RNF168: variants seen among roughly 807,000 people sequenced by gnomAD.
RNF168 encodes the protein ring finger protein 168, also known as E3 ubiquitin-protein ligase RNF168.
RNF168 carries 34 observed loss-of-function variants against 34.9 expected under a neutral mutation model. The ratio of observed to expected loss-of-function variants is 0.97; its 90% CI spans 0.74 to 1.30. The LOEUF is 1.30. Ranked by LOEUF, RNF168 falls within the 50% of genes most tolerant of loss-of-function variation. RNF168 has a pLI of 0.00. For missense variants in RNF168, 725 were observed against 682.5 expected (o/e 1.06, Z -0.69); for synonymous variants, 264 against 254.7 (o/e 1.04, Z -0.35).
intron 4 of RNF168, among the ~76,000 whole-genome samples, chr3:196,479,362 T>C (rs1732233879): frequency 6.6e-6 from 1 of 151,808 alleles, no homozygotes; most frequent in Non-Finnish European, 1.5e-5. Context: ...TGAAGTGCAG[T>C]AGCACCATCA....
intron 4 of RNF168, among the ~76,000 whole-genome samples, chr3:196,481,960 G>A (rs911121678): frequency 7.7e-6 from 1 of 129,352 alleles, no homozygotes; most frequent in African/African-American, 2.9e-5. Flanking sequence ...CACTGTCCCT[G>A]GCTTTTTTTT....
Position 196,488,624 on chromosome 3 carries a change from C to T in RNF168, c.361G>A (p.Glu121Lys). The T allele has an allele frequency of 1.3e-6, 2 of 1,599,412 alleles. No homozygotes were observed. Among genetic ancestry groups the T allele is most frequent in the Non-Finnish European group, 1.7e-6 (2 of 1,167,284 alleles). The part of the protein sequence containing the change: ...SKPGELRREY[E>K]EEISKVAAER... ...GCACCTACCTTGCTTATTTCCTCTTCATATTCTCTTCTCAGTTCCCCAGGT... is the reference window on the plus strand; with the variant it reads ...GCACCTACCTTGCTTATTTCCTCTTTATATTCTCTTCTCAGTTCCCCAGGT... The change falls in exon 2 of 6, where the codon GAA (glutamate) becomes AAA (lysine). Residue 121 changes from glutamate to lysine, a missense_variant. Physicochemically the swap from Glu to Lys is moderately conservative, Grantham distance 56 (BLOSUM62 1). Coordinates refer to ENST00000318037, the MANE Select transcript of RNF168 (RefSeq NM_152617.4).
chr3:196,487,660 AG>A, intron 2 of RNF168, 82 bp from the exon 3 acceptor site: 1 of 1,331,142 alleles, frequency 7.5e-7, no homozygotes, highest in South Asian at 1.2e-5. Context: ...ATAGAAAAGT[AG>A]AAAAAGAACA....
intron 5 of RNF168, among the ~76,000 whole-genome samples, chr3:196,473,487 ACT>A (rs1255785350): frequency 6.6e-6 from 1 of 152,262 alleles, no homozygotes; most frequent in Non-Finnish European, 1.5e-5. Context: ...TAGTACACCC[ACT>A]CTCTGTTTTG....
Position 196,488,600 on chromosome 3 carries a change from C to T in RNF168, c.378+7G>A. ...TATTCCAAAAAAAAAAACTATTTAG[C>T]ACCTACCTTGCTTATTTCCTCTTCA... On this transcript the variant is annotated splice_region_variant and intron_variant, in intron 2 of 5. Transcript: ENST00000318037. The T allele has an allele frequency of 1.9e-6, 3 of 1,539,032 alleles. No individual in the cohort carries two copies. Among genetic ancestry groups the T allele is most frequent in the Admixed American group, 3.4e-5 (2 of 59,586 alleles).
intron 3 of RNF168, among the ~76,000 whole-genome samples, chr3:196,485,595 C>T (rs1223848712): frequency 1.3e-5 from 2 of 151,836 alleles, no homozygotes; most frequent in East Asian, 1.9e-4. Flanking sequence ...TTTATTATTC[C>T]ATTGGTCAAT....
At chr3:196,500,999 C>A (rs143657161) in intron 1 of RNF168, among the ~76,000 whole-genome samples, 12 of 152,360 alleles carry the variant, frequency 7.9e-5, no homozygotes, top group South Asian at 6.2e-4. Context: ...GCGTGAGCCG[C>A]CGCGCCCGGC....
chr3:196,503,226 C>A lies in RNF168; in HGVS notation c.-53G>T, dbSNP rs1439823437. 2 of 1,531,542 alleles carry A rather than the reference C, an allele frequency of 1.3e-6. No individual in the cohort carries two copies. Among genetic ancestry groups the A allele is most frequent in the East Asian group, 2.3e-5 (1 of 44,444 alleles). The allele number at this position is 1,531,542 out of a possible 1,614,324, so 94.9% of individuals were successfully genotyped here. On this transcript the variant is annotated 5_prime_UTR_variant, in exon 1 of 6. Transcript: ENST00000318037. ...CAACGACACCTGCACGAAAAAGAATCCTATTTTCGGCCAACCACAGAGAGA... is the reference window on the plus strand; with the variant it reads ...CAACGACACCTGCACGAAAAAGAATACTATTTTCGGCCAACCACAGAGAGA...
intron 2 of RNF168, 59 bp from the exon 3 acceptor site, chr3:196,487,637 T>C: frequency 6.8e-7 from 1 of 1,463,240 alleles, no homozygotes; most frequent in South Asian, 1.1e-5. Context: ...ACTTGCAATA[T>C]TTCATAACAA....
chr3:196,472,116 C>T lies in RNF168; in HGVS notation c.1419G>A (p.Glu473=). 1 of 1,613,920 alleles carries T rather than the reference C, an allele frequency of 6.2e-7. No individual in the cohort carries two copies. The highest frequency in any genetic ancestry group is 8.5e-7 in the Non-Finnish European group (1 of 1,179,944). Residue 473 remains glutamate (E), a synonymous_variant, in exon 6 of 6, where the codon GAG becomes GAA. Coordinates refer to ENST00000318037, the MANE Select transcript of RNF168 (RefSeq NM_152617.4). ...GGGAGGATGTAGCGCGTAAGTGATA[C>T]TCATCTGGGGATCCTTTTTGCCGGT... ...VPNRQKGSPD[E]YHLRATSSPP...
chr3:196,485,211 T>G (rs1006464206), intron 3 of RNF168, among the ~76,000 whole-genome samples: 2 of 152,140 alleles, frequency 1.3e-5, no homozygotes, highest in Non-Finnish European at 1.5e-5. Context: ...CATAAATAAA[T>G]AGAAAATTAT....
intron 1 of RNF168, among the ~76,000 whole-genome samples, chr3:196,494,833 G>A (rs184167068): frequency 8.5e-5 from 13 of 152,112 alleles, no homozygotes; most frequent in Non-Finnish European, 1.3e-4. Flanking sequence ...GACCAGCCTC[G>A]GTAACATAGT....
intron 5 of RNF168, 114 bp from the exon 6 acceptor site, chr3:196,472,886 A>G: frequency 1.5e-6 from 1 of 654,998 alleles, no homozygotes; most frequent in South Asian, 1.8e-5. Context: ...ATTATTACTA[A>G]TAAGGTATAT....
At chr3:196,502,169 G>A (rs1413303217) in intron 1 of RNF168, among the ~76,000 whole-genome samples, 1 of 150,866 alleles carries the variant, frequency 6.6e-6, no homozygotes, top group Non-Finnish European at 1.5e-5. Flanking sequence ...GTGGAGGAAA[G>A]AGTCAAGGGT....
In RNF168 at chr3:196,486,137, C is replaced by G. The variant is rs142658686; in HGVS notation, c.558+1262G>C. 5.6e-3 allele frequency among the ~76,000 whole-genome samples: 850 copies of G among 152,206 alleles called. 3 individuals carry two copies. The highest frequency in any genetic ancestry group is 0.019 in the African/African-American group (782 of 41,526). On this transcript the variant is annotated intron_variant, in intron 3 of 5. Transcript: ENST00000318037. ...ATTTAACTACAGGAAGCAGAACATC[C>G]AAGTTTAATACATTATCTAAAAATT...
Position 196,503,450 on chromosome 3 carries a change from T to C in RNF168, c.-277A>G, listed in dbSNP as rs2108657686. On this transcript the variant is annotated 5_prime_UTR_variant, in exon 1 of 6. Coordinates refer to ENST00000318037, the MANE Select transcript of RNF168 (RefSeq NM_152617.4). ...AATGCAGGTTTTCGTCGGAGGAGCC[T>C]GGCTGCTCCGCGGCATGAACACCGC... 13 of 450,082 alleles carry C rather than the reference T, an allele frequency of 2.9e-5. No individual in the cohort carries two copies. Among genetic ancestry groups the C allele is most frequent in the South Asian group, 2.5e-4 (12 of 47,578 alleles). 27.9% of individuals were successfully genotyped at this position (450,082 alleles called of 1,614,324 possible). A position where few individuals can be genotyped will look rare whatever the true frequency, so the allele number is the denominator to read the frequency against.
intron 3 of RNF168, 68 bp downstream of exon 3, chr3:196,487,331 A>T: frequency 7.8e-7 from 1 of 1,283,904 alleles, no homozygotes. Context: ...GACTCTTCCC[A>T]TGAGCGGGTT....
In RNF168 at chr3:196,469,240, CTG is replaced by C. The variant is rs1388131958; in HGVS notation, c.*2577_*2578del. 6.6e-6 allele frequency: 1 copy of C among 152,174 alleles called. No individual in the cohort carries two copies. Among genetic ancestry groups the C allele is most frequent in the African/African-American group, 2.4e-5 (1 of 41,432 alleles). The allele number at this position is 152,174 out of a possible 1,614,324, so 9.4% of individuals were successfully genotyped here. On this transcript the variant is annotated 3_prime_UTR_variant, in exon 6 of 6. Coordinates refer to ENST00000318037, the MANE Select transcript of RNF168 (RefSeq NM_152617.4). ...GTTTGATGAGAAGATTGATCTTAGC[CTG>C]TCTCAGACAAATTTGGTTTATTTAT...
chr3:196,495,143 T>G (rs958970124), intron 1 of RNF168, among the ~76,000 whole-genome samples: 1 of 152,000 alleles, frequency 6.6e-6, no homozygotes, highest in East Asian at 1.9e-4. Flanking sequence ...TGCATTTAGA[T>G]TCATGAAGTT....
Sources: allele counts gnomAD v4.1 joint callset (sites outside exome capture counted in the v4.1 genomes callset), GRCh38; gene constraint gnomAD v4.1.1; transcripts MANE v1.5; gene names NCBI Gene and HGNC (gene_info 2026-07-23, HGNC 2026-07-21).